Variants in TSC2 observed in about 807,000 individuals in gnomAD.
TSC2 encodes the protein TSC complex subunit 2, also known as tuberin.
A neutral mutation model predicts 202.2 loss-of-function variants in TSC2; 29 were observed. The observed-to-expected ratio is 0.14, with a 90% CI of 0.11 to 0.20. The LOEUF (loss-of-function observed/expected upper bound fraction) is 0.20. Ranked by LOEUF, TSC2 falls within the 10% of genes least tolerant of loss-of-function variation. The pLI, the probability that TSC2 is intolerant of heterozygous loss-of-function variation, is 1.00. For missense variants in TSC2, 2,429 were observed against 2,420.0 expected (o/e 1.00, Z -0.08); for synonymous variants, 1,349 against 1,044.0 (o/e 1.29, Z -5.63).
rs1236463140 is a variant in TSC2, at chr16:2,085,213, G to T, written c.4570-17G>T. 6.2e-7 allele frequency: 1 copy of T among 1,612,670 alleles called. No individual in the cohort carries two copies. Reference sequence around the variant, plus strand: ...GGACGGGCGTCTGGGGCTCAGGCAGGGCTCTGTGTGCCACAGTCACAGTCC... The same window carrying T: ...GGACGGGCGTCTGGGGCTCAGGCAGTGCTCTGTGTGCCACAGTCACAGTCC... On this transcript the variant is annotated splice_polypyrimidine_tract_variant and intron_variant, in intron 35 of 41. Transcript: ENST00000219476.
intron 16 of TSC2, 127 bp downstream of exon 16, chr16:2,065,762 C>A: frequency 1.2e-6 from 1 of 848,914 alleles, no homozygotes; most frequent in Non-Finnish European, 2.0e-6. Context: ...GCTGAGGGTG[C>A]GGTGGTCTCA....
chr16:2,063,926 CCTCACGCACACACGCACA>C, intron 14 of TSC2: 1 of 423,890 alleles, frequency 2.4e-6, no homozygotes, highest in Non-Finnish European at 4.5e-6. Context: ...CCACACACAC[CCTCACGCACACACGCACA>C]GCACCATGTG....
At chr16:2,068,509 G>T (rs1431381252) in intron 16 of TSC2, 2 of 152,312 alleles carry the variant, frequency 1.3e-5, no homozygotes, top group South Asian at 2.1e-4. Flanking sequence ...ATAGCAGACA[G>T]TCTATTAATG....
rs201608277 is a variant in TSC2 at position 2,085,368 on chromosome 16, G to A, written c.4662+46G>A. The A allele has an allele frequency of 1.1e-4, 174 of 1,601,402 alleles. No homozygotes were observed. In the East Asian group the frequency reaches 3.2e-3, roughly 30 times the overall value. The stretch of plus-strand genomic sequence containing the variant: ...TAGGTGCCTGGACAGGGCCAGCTGG[G>A]CCTCAGCCTGCAGTGGGTAGGGAGT... On this transcript the variant is annotated intron_variant, in intron 36 of 41. Coordinates refer to ENST00000219476, the MANE Select transcript of TSC2 (RefSeq NM_000548.5).
At chr16:2,051,053 C>T (rs1030240226) in intron 3 of TSC2, among the ~76,000 whole-genome samples, 2 of 150,936 alleles carry the variant, frequency 1.3e-5, no homozygotes, top group Non-Finnish European at 2.9e-5. Context: ...AGCGGGGGTG[C>T]GGGGGCTTAT....
At chr16:2,056,975 G>A in intron 8 of TSC2, 130 bp from the exon 9 acceptor site, 1 of 1,385,410 alleles carries the variant, frequency 7.2e-7, no homozygotes, top group Non-Finnish European at 1.0e-6. Context: ...CTGTCTTTGG[G>A]AGGAGATGGT....
At chr16:2,063,665 A>T (rs2086914610) in intron 14 of TSC2, 1 of 218,580 alleles carries the variant, frequency 4.6e-6, no homozygotes, top group Admixed American at 5.2e-5. Context: ...CCCAGCGTCC[A>T]CTGTCCTTGA....
intron 9 of TSC2, 79 bp from the exon 10 acceptor site, chr16:2,058,668 C>G (rs1056279227): frequency 1.2e-5 from 18 of 1,541,518 alleles, no homozygotes; most frequent in Non-Finnish European, 1.3e-5. Flanking sequence ...CTGCAGGAGC[C>G]TCGGCAACCT....
chr16:2,073,936 G>C (rs2088870614), intron 21 of TSC2, among the ~76,000 whole-genome samples: 1 of 152,282 alleles, frequency 6.6e-6, no homozygotes, highest in South Asian at 2.1e-4. Flanking sequence ...GCCAGCCTGT[G>C]AAGGGCCCAG....
At chr16:2,066,821 C>T (rs906465341) in intron 16 of TSC2, among the ~76,000 whole-genome samples, 18 of 151,958 alleles carry the variant, frequency 1.2e-4, no homozygotes, top group African/African-American at 3.1e-4. Context: ...CCAACATACT[C>T]GGCTAATTTT....
At chr16:2,083,573 C>T (rs1385714013) in intron 32 of TSC2, 122 bp from the exon 33 acceptor site, 2 of 1,504,010 alleles carry the variant, frequency 1.3e-6, no homozygotes, top group East Asian at 2.5e-5. Flanking sequence ...GTAAGCAGAG[C>T]CCTGGGGAGG....
At chr16:2,062,739 G>GC (rs1345415215) in intron 13 of TSC2, 139 bp downstream of exon 13, 1 of 1,020,668 alleles carries the variant, frequency 9.8e-7, no homozygotes, top group Non-Finnish European at 1.5e-6. Flanking sequence ...CTCTGGGTGA[G>GC]CAGGTGCTAG....
intron 31 of TSC2, 47 bp from the exon 32 acceptor site, chr16:2,082,389 T>G (rs2090250261): frequency 6.2e-7 from 1 of 1,601,776 alleles, no homozygotes; most frequent in African/African-American, 1.3e-5. Flanking sequence ...GACCTGTGTG[T>G]AGCCCCTCCT....
At chr16:2,054,723 C>T (rs1009949728) in intron 5 of TSC2, 70 of 515,650 alleles carry the variant, frequency 1.4e-4, no homozygotes, top group African/African-American at 1.2e-3. Context: ...TGGGCGAGTT[C>T]TGTCACTGGG....
Position 2,062,983 on chromosome 16 carries a change from G to A in TSC2, c.1373G>A (p.Arg458Gln), listed in dbSNP as rs878854077. 13 of 1,550,840 alleles carry A rather than the reference G, an allele frequency of 8.4e-6. No individual in the cohort carries two copies. The highest frequency in any genetic ancestry group is 3.6e-5 in the South Asian group (3 of 84,044). The change falls in exon 14 of 42, where the codon CGA becomes CAA. Residue 458 changes from arginine to glutamine, a missense_variant. Arg to Gln is a conservative substitution (Grantham distance 43, BLOSUM62 1). Coordinates refer to ENST00000219476, the MANE Select transcript of TSC2 (RefSeq NM_000548.5). ...CTGCCGTCCCGCAGGAGCGAGTCCC[G>A]AGGCGCCGTGCGCATCAAGGTGCTG... ...LMERFFRSES[R>Q]GAVRIKVLDV...
rs1567380772 is a variant in TSC2 at position 2,048,711 on chromosome 16, G to C, written c.96G>C (p.Glu32Asp). 1 of 1,614,114 alleles carries C rather than the reference G, an allele frequency of 6.2e-7. No homozygotes were observed. Among genetic ancestry groups the C allele is most frequent in the Non-Finnish European group, 8.5e-7 (1 of 1,180,038 alleles). The change falls in exon 2 of 42, where the codon GAG (glutamate) becomes GAC (aspartate). Residue 32 changes from glutamate to aspartate, a missense_variant. Glu to Asp is a conservative substitution (Grantham distance 45, BLOSUM62 2). Transcript: ENST00000219476. ...CGAGGCCAAATCCCAGGTCTGCAGA[G>C]GGTAAACAGACGGAGTTTATCATCA... ...GTPRPNPRSAEGKQTEFIITA... is the reference protein window; with the variant it reads ...GTPRPNPRSADGKQTEFIITA...
At chr16:2,080,095 C>T (rs2089940852) in intron 29 of TSC2, 70 bp from the exon 30 acceptor site, 12 of 1,593,778 alleles carry the variant, frequency 7.5e-6, no homozygotes, top group Non-Finnish European at 9.4e-6. Flanking sequence ...TCGGGGGGAG[C>T]ATTCAGCTTG....
At chr16:2,048,940 G>C (rs916884011) in intron 2 of TSC2, among the ~76,000 whole-genome samples, 187 bp downstream of exon 2, 3 of 152,160 alleles carry the variant, frequency 2.0e-5, no homozygotes, top group Non-Finnish European at 2.9e-5. Context: ...TTGGTGACCT[G>C]GTTCAGGCAC....
At position 2,085,272 on chromosome 16, in the gene TSC2, C is replaced by T. The variant is rs1060500930; in HGVS notation, c.4612C>T (p.Pro1538Ser). The T allele has an allele frequency of 3.1e-6, 5 of 1,612,754 alleles. No individual in the cohort carries two copies. The highest frequency in any genetic ancestry group is 4.2e-6 in the Non-Finnish European group (5 of 1,179,938). ...GTCGGTGCAGCTCCTCGACCAGATC[C>T]CATCATACGACACCCACAAGATCGC... is the stretch of plus-strand genomic sequence containing the variant. ...ERSVQLLDQI[P>S]SYDTHKIAVL... is the part of the protein sequence containing the mutation. Residue 1538 changes from proline to serine, a missense_variant, in exon 36 of 42, where the codon CCA (proline) becomes TCA (serine). By Grantham distance (74) the Pro-to-Ser change is moderately conservative. Transcript: ENST00000219476.
Sources: gnomAD v4.1 joint callset for allele counts (sites outside exome capture counted in the v4.1 genomes callset) on GRCh38, gnomAD v4.1.1 for gene constraint, MANE v1.5 for transcripts, NCBI Gene and HGNC (gene_info 2026-07-23, HGNC 2026-07-21) for gene names.